CLEC4D: variants seen among roughly 807,000 people sequenced by gnomAD.
CLEC4D encodes the protein C-type (calcium dependent, carbohydrate-recognition domain) lectin, superfamily member 8.
In CLEC4D, 21 loss-of-function variants were observed where a neutral mutation model predicts 21.1. The ratio of observed to expected loss-of-function variants is 1.00; its 90% CI spans 0.71 to 1.43. CLEC4D has a LOEUF of 1.43. CLEC4D is among the 40% of genes most tolerant of loss of function. The probability of loss-of-function intolerance (pLI) is 0.00; values close to 1 mark genes in which losing one functional copy is unlikely to be tolerated. For missense variants in CLEC4D, 289 were observed against 260.7 expected, an observed-to-expected ratio of 1.11 and a Z score of -0.75; for synonymous variants, 85 against 83.1, an observed-to-expected ratio of 1.02 and a Z score of -0.12.
chr12:8,523,380 T>C, downstream of CLEC4D, among the ~76,000 whole-genome samples: 1 of 152,188 alleles, frequency 6.6e-6, no homozygotes, highest in East Asian at 1.9e-4. Flanking sequence ...CTTTGAGCAG[T>C]GGTTTGTAGT....
At chr12:8,519,190 T>G in intron 4 of CLEC4D, 30 bp downstream of exon 4, 3 of 1,600,416 alleles carry the variant, frequency 1.9e-6, no homozygotes, top group Non-Finnish European at 1.7e-6. Flanking sequence ...TCAGTTTCTC[T>G]GCTGCTTTGA....
At chr12:8,525,342 T>C (rs957488183), downstream of CLEC4D, among the ~76,000 whole-genome samples, 3 of 152,154 alleles carry the variant, frequency 2.0e-5, no homozygotes, top group Non-Finnish European at 4.4e-5. Flanking sequence ...CTAAGTCTCT[T>C]TGTAGGTCTC....
In CLEC4D at chr12:8,522,136, A is replaced by T. The variant is rs1940466410; in HGVS notation, c.*865A>T. On this transcript the variant is annotated 3_prime_UTR_variant, in exon 6 of 6. Coordinates refer to ENST00000299665, the MANE Select transcript of CLEC4D (RefSeq NM_080387.5). ...CTGGATAAAATTTCTTAATTGTTTG[A>T]AGTAACATTGTATTCGTGTTTGCAT... The T allele has an allele frequency of 2.6e-5, 4 of 152,172 alleles. No individual in the cohort carries two copies. Among genetic ancestry groups the T allele is most frequent in the Admixed American group, 2.0e-4 (3 of 15,270 alleles). The allele number at this position is 152,172 out of a possible 1,614,324, so 9.4% of individuals were successfully genotyped here.
chr12:8,529,868 C>G, the CLEC4D span, among the ~76,000 whole-genome samples: 1 of 151,952 alleles, frequency 6.6e-6, no homozygotes, highest in African/African-American at 2.4e-5. Flanking sequence ...TGAAAAAAAT[C>G]AAGGAATTAT....
the CLEC4D span, among the ~76,000 whole-genome samples, chr12:8,530,838 G>A: frequency 6.6e-6 from 1 of 152,184 alleles, no homozygotes; most frequent in Non-Finnish European, 1.5e-5. Context: ...ATAATACTCT[G>A]CAAAATGTAC....
Position 8,515,250 on chromosome 12 carries a change from C to A in CLEC4D, c.43C>A (p.His15Asn). Reference protein sequence around the residue: ...KPQSKLEGGMHPQLIPSVIAV... With the variant: ...KPQSKLEGGMNPQLIPSVIAV... The stretch of plus-strand genomic sequence containing the variant: ...TTTGGTCCTAGTGGAAGGAGGCATG[C>A]ATCCCCAGCTGATACCTTCGGTTAT... Residue 15 changes from histidine to asparagine, a missense_variant, in exon 2 of 6, where the codon CAT becomes AAT. Coordinates refer to ENST00000299665, the MANE Select transcript of CLEC4D (RefSeq NM_080387.5). The A allele has an allele frequency of 1.4e-6, 2 of 1,441,916 alleles. No homozygotes were observed. The highest frequency in any genetic ancestry group is 2.0e-6 in the Non-Finnish European group (2 of 1,023,420). 89.3% of individuals were successfully genotyped at this position (1,441,916 alleles called of 1,614,324 possible). A position where few individuals can be genotyped will look rare whatever the true frequency, so the allele number is the denominator to read the frequency against.
rs1248531431 is a variant in CLEC4D, at chr12:8,521,459, T to C, written c.*188T>C. 3 of 1,193,440 alleles carry C rather than the reference T, an allele frequency of 2.5e-6. No homozygotes were observed. 73.9% of individuals were successfully genotyped at this position (1,193,440 alleles called of 1,614,324 possible). On this transcript the variant is annotated 3_prime_UTR_variant, in exon 6 of 6. Coordinates refer to ENST00000299665, the MANE Select transcript of CLEC4D (RefSeq NM_080387.5). ...GTGTGTATGTGTGTGTGTGTGTGTG[T>C]AGATAATGTGGTTTTTGTATGGTGT...
intron 4 of CLEC4D, 28 bp from the exon 5 acceptor site, chr12:8,520,197 AC>A: frequency 6.2e-7 from 1 of 1,609,860 alleles, no homozygotes; most frequent in Non-Finnish European, 8.5e-7. Flanking sequence ...GATTCATGCA[AC>A]TATATTAAAA....
intron 3 of CLEC4D, among the ~76,000 whole-genome samples, 172 bp from the exon 4 acceptor site, chr12:8,518,837 A>T (rs1296610109): frequency 6.6e-6 from 1 of 152,232 alleles, no homozygotes; most frequent in Non-Finnish European, 1.5e-5. Context: ...TGTTTAGAAG[A>T]TATTTAGGAA....
Position 8,521,830 on chromosome 12 carries a change from T to A in CLEC4D, c.*559T>A, listed in dbSNP as rs1056250369. On this transcript the variant is annotated 3_prime_UTR_variant, in exon 6 of 6. Coordinates refer to ENST00000299665, the MANE Select transcript of CLEC4D (RefSeq NM_080387.5). The stretch of plus-strand genomic sequence containing the variant: ...AACAGTGTGGAATAGTTCTGAATTA[T>A]GCTGTTCTACAGATAGAAAAAAAGT... 6.6e-6 allele frequency: 1 copy of A among 152,330 alleles called. No homozygotes were observed. Among genetic ancestry groups the A allele is most frequent in the Non-Finnish European group, 1.5e-5 (1 of 68,130 alleles). The allele number at this position is 152,330 out of a possible 1,614,324, so 9.4% of individuals were successfully genotyped here. A position where few individuals can be genotyped will look rare whatever the true frequency, so the allele number is the denominator to read the frequency against.
intron 2 of CLEC4D, 73 bp downstream of exon 2, chr12:8,515,401 C>G (rs774776217): frequency 2.3e-5 from 19 of 816,096 alleles, no homozygotes; most frequent in Non-Finnish European, 2.6e-5. Flanking sequence ...TTGCTCTAAG[C>G]CTTTTGGTAT....
downstream of CLEC4D, among the ~76,000 whole-genome samples, chr12:8,525,258 A>G (rs1940497409): frequency 6.6e-6 from 1 of 152,030 alleles, no homozygotes; most frequent in Non-Finnish European, 1.5e-5. Context: ...TATCCTTGTT[A>G]ATTTTCTGTC....
At chr12:8,531,059 C>G in the CLEC4D span, among the ~76,000 whole-genome samples, 1 of 152,154 alleles carries the variant, frequency 6.6e-6, no homozygotes, top group Non-Finnish European at 1.5e-5. Flanking sequence ...GGCTCAGACA[C>G]CTTTGCTCAA....
chr12:8,521,546 A>G lies in CLEC4D; in HGVS notation c.*275A>G, dbSNP rs60451208. On this transcript the variant is annotated 3_prime_UTR_variant, in exon 6 of 6. Transcript: ENST00000299665. Reference sequence around the variant, plus strand: ...AGTATTTCAAGGTGTTTACTTTTCAATTGGTGTGCACTGAATGCATGTATG... The same window carrying G: ...AGTATTTCAAGGTGTTTACTTTTCAGTTGGTGTGCACTGAATGCATGTATG... The G allele has an allele frequency of 3.2e-3, 1,381 of 434,130 alleles. 20 individuals are homozygous for G. Among genetic ancestry groups the G allele is most frequent in the African/African-American group, 0.027 (1,310 of 49,282 alleles). 26.9% of individuals were successfully genotyped at this position (434,130 alleles called of 1,614,324 possible). A position where few individuals can be genotyped will look rare whatever the true frequency, so the allele number is the denominator to read the frequency against.
downstream of CLEC4D, among the ~76,000 whole-genome samples, chr12:8,526,920 G>GT (rs1206602831): frequency 2.0e-5 from 3 of 151,794 alleles, no homozygotes; most frequent in East Asian, 1.9e-4. Context: ...TCACTTTCTG[G>GT]TTTTTTTTCT....
chr12:8,528,063 T>C, the CLEC4D span, among the ~76,000 whole-genome samples: 1 of 151,998 alleles, frequency 6.6e-6, no homozygotes, highest in Non-Finnish European at 1.5e-5. Flanking sequence ...TGGTTGCGGG[T>C]GAAGGATCCA....
At chr12:8,513,906 G>T in intron 1 of CLEC4D, 146 bp downstream of exon 1, 3 of 565,912 alleles carry the variant, frequency 5.3e-6, no homozygotes, top group South Asian at 2.7e-5. Context: ...TGGTGAAGAG[G>T]AAGGACATAG....
At chr12:8,519,475 T>C (rs1940429721) in intron 4 of CLEC4D, among the ~76,000 whole-genome samples, 1 of 152,200 alleles carries the variant, frequency 6.6e-6, no homozygotes, top group African/African-American at 2.4e-5. Flanking sequence ...TCCACTATAA[T>C]TGTCTGTTCA....
chr12:8,522,515 TTGTG>T (rs1940471064), downstream of CLEC4D: 1 of 152,434 alleles, frequency 6.6e-6, no homozygotes, highest in Non-Finnish European at 1.5e-5. Context: ...TGGTGTTTGA[TTGTG>T]TGGTGGTGGT....
Sources: allele counts gnomAD v4.1 joint callset (sites outside exome capture counted in the v4.1 genomes callset), GRCh38; gene constraint gnomAD v4.1.1; transcripts MANE v1.5; gene names NCBI Gene and HGNC (gene_info 2026-07-23, HGNC 2026-07-21).